BARX2: variants seen among roughly 807,000 people sequenced by gnomAD.
BARX2 encodes homeobox protein BarH-like 2.
BARX2 carries 11 observed loss-of-function variants against 25.5 expected under a neutral mutation model. That is an observed-to-expected ratio of 0.43 (90% CI 0.27 to 0.71). The LOEUF (loss-of-function observed/expected upper bound fraction) is 0.71. Ranked by LOEUF, BARX2 falls within the 30% of genes least tolerant of loss-of-function variation. The pLI is 0.19. For missense variants in BARX2, 360 were observed against 359.9 expected, an observed-to-expected ratio of 1.00 and a Z score of 0.00; for synonymous variants, 137 against 149.5, an observed-to-expected ratio of 0.92 and a Z score of 0.61.
chr11:129,450,946 C>T lies in BARX2; in HGVS notation c.574-190C>T, dbSNP rs182320006. Among the ~76,000 whole-genome samples the T allele has an allele frequency of 1.3e-4, 20 of 152,132 alleles. No individual in the cohort carries two copies. In the East Asian group the frequency reaches 2.3e-3, roughly 18 times the overall value. On this transcript the variant is annotated intron_variant, in intron 3 of 3. Coordinates refer to ENST00000281437, the MANE Select transcript of BARX2 (RefSeq NM_003658.5). ...AAATATATAATGTTGACCAAAAATG[C>T]GTTGAGCATTTAAAAAATGGAGGTG... is the stretch of plus-strand genomic sequence containing the variant.
chr11:129,401,512 A>G (rs1861775221), intron 1 of BARX2, among the ~76,000 whole-genome samples: 2 of 152,192 alleles, frequency 1.3e-5, no homozygotes, highest in Admixed American at 6.5e-5. Context: ...TGTAGTGACT[A>G]TAAATTGACA....
At chr11:129,433,606 C>G (rs77666968) in intron 1 of BARX2, among the ~76,000 whole-genome samples, 4,485 of 152,228 alleles carry the variant, frequency 0.029, 223 homozygotes, top group African/African-American at 0.1. Flanking sequence ...TCAACCCATG[C>G]TCATTCGGCC....
intron 1 of BARX2, among the ~76,000 whole-genome samples, chr11:129,419,480 C>T (rs918503930): frequency 1.6e-4 from 25 of 152,216 alleles, no homozygotes; most frequent in Admixed American, 5.2e-4. Flanking sequence ...TGGGAGGTAG[C>T]GTGATATATA....
chr11:129,389,675 T>C (rs1861647894), intron 1 of BARX2, among the ~76,000 whole-genome samples: 1 of 151,924 alleles, frequency 6.6e-6, no homozygotes, highest in South Asian at 2.1e-4. Context: ...TCAACACGTT[T>C]GATTTCTTTT....
chr11:129,444,978 G>A (rs1048412216), intron 3 of BARX2, among the ~76,000 whole-genome samples: 5 of 151,990 alleles, frequency 3.3e-5, no homozygotes, highest in Non-Finnish European at 7.4e-5. Context: ...TCCAGTCTGG[G>A]CCACGGAGCA....
intron 1 of BARX2, among the ~76,000 whole-genome samples, chr11:129,423,723 A>G (rs1432391918): frequency 1.3e-5 from 2 of 151,806 alleles, no homozygotes; most frequent in Non-Finnish European, 2.9e-5. Flanking sequence ...CTAGTCCTGT[A>G]CTCTCTGGCT....
chr11:129,446,300 GC>G (rs1052305082), intron 3 of BARX2, among the ~76,000 whole-genome samples: 2 of 152,096 alleles, frequency 1.3e-5, no homozygotes, highest in Non-Finnish European at 2.9e-5. Flanking sequence ...AATTGCGTGG[GC>G]CCCACACTAT....
chr11:129,418,322 G>A (rs1042204736), intron 1 of BARX2, among the ~76,000 whole-genome samples: 1 of 152,192 alleles, frequency 6.6e-6, no homozygotes, highest in Non-Finnish European at 1.5e-5. Flanking sequence ...CTGCCCACGG[G>A]TGTGGCTTGG....
chr11:129,378,212 C>G (rs977921610), intron 1 of BARX2, among the ~76,000 whole-genome samples: 1 of 152,080 alleles, frequency 6.6e-6, no homozygotes, highest in Non-Finnish European at 1.5e-5. Flanking sequence ...GAAAATGTGT[C>G]GTTATTTTGC....
chr11:129,439,951 T>C (rs1862237011), intron 2 of BARX2, among the ~76,000 whole-genome samples: 1 of 152,124 alleles, frequency 6.6e-6, no homozygotes, highest in Admixed American at 6.5e-5. Flanking sequence ...TTAAACCTCC[T>C]GGGGCTCCCT....
chr11:129,439,869 G>A lies in BARX2; in HGVS notation c.488+2818G>A, dbSNP rs545930034. Among the ~76,000 whole-genome samples the A allele has an allele frequency of 2.6e-4, 40 of 152,240 alleles. 1 individual carries two copies. Among genetic ancestry groups the A allele is most frequent in the African/African-American group, 8.4e-4 (35 of 41,532 alleles). ...GGTGGTATGTCAGACGGGCTTCAGC[G>A]TGCATGACTAACATATTAGGCTGAT... is the stretch of plus-strand genomic sequence containing the variant. On this transcript the variant is annotated intron_variant, in intron 2 of 3. Transcript: ENST00000281437.
chr11:129,435,417 A>G (rs547542892), intron 1 of BARX2, among the ~76,000 whole-genome samples: 1 of 152,350 alleles, frequency 6.6e-6, no homozygotes, highest in African/African-American at 2.4e-5. Flanking sequence ...ATGGGAAGGA[A>G]TAAGAAGAGA....
chr11:129,376,239 G>A lies in BARX2; in HGVS notation c.187+17G>A. The A allele has an allele frequency of 5.1e-6, 8 of 1,582,372 alleles. No homozygotes were observed. The highest frequency in any genetic ancestry group is 6.0e-6 in the Non-Finnish European group (7 of 1,164,096). On this transcript the variant is annotated intron_variant, in intron 1 of 3. Coordinates refer to ENST00000281437, the MANE Select transcript of BARX2 (RefSeq NM_003658.5). This position sits in a 1 kb window ranked among gnomAD's most constrained non-coding sequence, Gnocchi z 4.2. The stretch of plus-strand genomic sequence containing the variant: ...CCTGTACGGGTAAGACGCTCCGCTA[G>A]GGGATAAGTGGGGTTCGGTAGCTTT...
At chr11:129,440,911 A>AAAG (rs1361078791) in intron 2 of BARX2, among the ~76,000 whole-genome samples, 1 of 152,128 alleles carries the variant, frequency 6.6e-6, no homozygotes, top group Non-Finnish European at 1.5e-5. Flanking sequence ...GGCCTTTCAA[A>AAAG]AAGTGGGGGT....
intron 1 of BARX2, among the ~76,000 whole-genome samples, chr11:129,420,502 A>C (rs1226080266): frequency 6.6e-6 from 1 of 152,164 alleles, no homozygotes; most frequent in African/African-American, 2.4e-5. Context: ...TCCATCAAAG[A>C]CTGGATTAGA....
At chr11:129,386,014 CTG>C (rs1861614101) in intron 1 of BARX2, among the ~76,000 whole-genome samples, 1 of 152,240 alleles carries the variant, frequency 6.6e-6, no homozygotes, top group Non-Finnish European at 1.5e-5. Context: ...GAAACAACCA[CTG>C]TGGCTTCTGA....
chr11:129,430,865 T>C (rs1405907574), intron 1 of BARX2, among the ~76,000 whole-genome samples: 1 of 152,228 alleles, frequency 6.6e-6, no homozygotes, highest in Admixed American at 6.5e-5. Flanking sequence ...GTTTTTTGTT[T>C]TGTTTTATTT....
In BARX2 at chr11:129,385,089, C is replaced by T. The variant is rs549390925; in HGVS notation, c.187+8867C>T. Among the ~76,000 whole-genome samples, 18 of 152,232 alleles carry T rather than the reference C, an allele frequency of 1.2e-4. No individual in the cohort carries two copies. The East Asian group carries it at 1.4e-3, about 11-fold the overall frequency. ...AACCTCGCTGATAAGTGGGAACACCCGAATTAATATGAGATACCATTTCAC... is the reference window on the plus strand; with the variant it reads ...AACCTCGCTGATAAGTGGGAACACCTGAATTAATATGAGATACCATTTCAC... On this transcript the variant is annotated intron_variant, in intron 1 of 3. Transcript: ENST00000281437.
At chr11:129,423,526 G>C (rs1410884134) in intron 1 of BARX2, among the ~76,000 whole-genome samples, 1 of 152,150 alleles carries the variant, frequency 6.6e-6, no homozygotes, top group Non-Finnish European at 1.5e-5. Context: ...TCTAGTAACT[G>C]GGTCCAGTGC....
Sources: gnomAD v4.1 joint callset for allele counts (sites outside exome capture counted in the v4.1 genomes callset) on GRCh38, gnomAD v4.1.1 for gene constraint, Gnocchi (gnomAD v3.1) non-coding constraint, MANE v1.5 for transcripts, NCBI Gene and HGNC (gene_info 2026-07-23, HGNC 2026-07-21) for gene names.